The following CDCA8 variants were observed in gnomAD, a reference collection of about 807,000 sequenced individuals.
The protein encoded by CDCA8 is borealin.
In CDCA8, 25 loss-of-function variants were observed where a neutral mutation model predicts 40.0. That is an observed-to-expected ratio of 0.63 (90% CI 0.46 to 0.87). The LOEUF is 0.87. Ranked by LOEUF, CDCA8 falls within the 40% of genes least tolerant of loss-of-function variation. The pLI is 0.00. For synonymous variants in CDCA8, 111 were observed against 126.5 expected (o/e 0.88, Z 0.82); for missense variants, 280 against 348.4 (o/e 0.80, Z 1.56).
intron 2 of CDCA8, 125 bp downstream of exon 2, chr1:37,693,158 T>A: frequency 1.8e-6 from 1 of 557,456 alleles, no homozygotes; most frequent in Non-Finnish European, 2.9e-6. Context: ...TTATGGAAAA[T>A]TGCAGACCCT....
chr1:37,708,496 G>T lies in CDCA8; in HGVS notation c.*130G>T. ...AGCCATGTTCCTCTAAGGGAATTCA[G>T]GAATTCAGACGTGCTAGTCCCACAC... is the stretch of plus-strand genomic sequence containing the variant. On this transcript the variant is annotated 3_prime_UTR_variant, in exon 10 of 10. Transcript: ENST00000373055. The T allele has an allele frequency of 1.1e-6, 1 of 886,838 alleles. No homozygotes were observed. 54.9% of individuals were successfully genotyped at this position (886,838 alleles called of 1,614,324 possible). A position where few individuals can be genotyped will look rare whatever the true frequency, so the allele number is the denominator to read the frequency against.
At chr1:37,698,007 G>C (rs1303511382) in intron 3 of CDCA8, among the ~76,000 whole-genome samples, 3 of 151,990 alleles carry the variant, frequency 2.0e-5, no homozygotes, top group Non-Finnish European at 4.4e-5. Context: ...GCTCTTTGTA[G>C]TGCCCATACT....
chr1:37,705,332 T>G (rs1645590977), intron 7 of CDCA8, 109 bp from the exon 8 acceptor site: 1 of 927,198 alleles, frequency 1.1e-6, no homozygotes, highest in Admixed American at 2.3e-5. Context: ...TTCTTAGGAA[T>G]GTATGACTTA....
At chr1:37,695,368 TAA>T (rs71690196) in intron 2 of CDCA8, among the ~76,000 whole-genome samples, 2 of 76,462 alleles carry the variant, frequency 2.6e-5, no homozygotes, top group East Asian at 5.2e-4. Flanking sequence ...CATCTCTACT[TAA>T]AAAAAAAAAA....
At position 37,708,438 on chromosome 1, in the gene CDCA8, C is replaced by T. The variant is rs894585453; in HGVS notation, c.*72C>T. 8.5e-6 allele frequency: 12 copies of T among 1,413,068 alleles called. No homozygotes were observed. The highest frequency in any genetic ancestry group is 2.8e-5 in the African/African-American group (2 of 70,720). The allele number at this position is 1,413,068 out of a possible 1,614,324, so 87.5% of individuals were successfully genotyped here. On this transcript the variant is annotated 3_prime_UTR_variant, in exon 10 of 10. Transcript: ENST00000373055. ...CCTGAAGAGACTTCTTCCCTTCAGG[C>T]TTATTGTTTGAGTGTGAAGTTCCAG...
chr1:37,698,120 C>A (rs927012390), intron 3 of CDCA8, among the ~76,000 whole-genome samples: 1 of 152,072 alleles, frequency 6.6e-6, no homozygotes, highest in Non-Finnish European at 1.5e-5. Context: ...GTAGATTTAT[C>A]GAAAAAATGG....
chr1:37,692,984 C>A lies in CDCA8; in HGVS notation c.174C>A (p.Ile58=). Residue 58 remains isoleucine (I), a synonymous_variant, in exon 2 of 10, where the codon ATC becomes ATA. Coordinates refer to ENST00000373055, the MANE Select transcript of CDCA8 (RefSeq NM_001256875.2). ...KEVDNLYNIE[I]LRLPKALREM... Reference sequence around the variant, plus strand: ...TGGATAACCTCTACAACATCGAGATCCTGCGGCTCCCCAAGGCTCTGCGCG... The same window carrying A: ...TGGATAACCTCTACAACATCGAGATACTGCGGCTCCCCAAGGCTCTGCGCG... 1 of 1,614,088 alleles carries A rather than the reference C, an allele frequency of 6.2e-7. No individual in the cohort carries two copies. Among genetic ancestry groups the A allele is most frequent in the Non-Finnish European group, 8.5e-7 (1 of 1,179,998 alleles).
At position 37,696,037 on chromosome 1, in the gene CDCA8, G is replaced by A; in HGVS notation, c.264+87G>A. 1 of 1,182,768 alleles carries A rather than the reference G, an allele frequency of 8.5e-7. No individual in the cohort carries two copies. The highest frequency in any genetic ancestry group is 1.2e-6 in the Non-Finnish European group (1 of 800,886). The allele number at this position is 1,182,768 out of a possible 1,614,324, so 73.3% of individuals were successfully genotyped here. On this transcript the variant is annotated intron_variant, in intron 3 of 9. Transcript: ENST00000373055. This position sits in a 1 kb window ranked among gnomAD's most constrained non-coding sequence, Gnocchi z 5.0. ...CAACTAATAGATGCTTACTGTGGAA[G>A]AGGTTTCATAAAGGGACATCATCTG...
At chr1:37,703,925 T>C (rs557940541) in intron 7 of CDCA8, among the ~76,000 whole-genome samples, 1 of 152,244 alleles carries the variant, frequency 6.6e-6, no homozygotes, top group South Asian at 2.1e-4. Flanking sequence ...CTTTTCTGAT[T>C]CAAATCAGAA....
chr1:37,705,485 G>A lies in CDCA8; in HGVS notation c.629G>A (p.Arg210Gln), dbSNP rs752774201. 1.1e-5 allele frequency: 18 copies of A among 1,613,878 alleles called. No homozygotes were observed. The highest frequency in any genetic ancestry group is 8.3e-5 in the Admixed American group (5 of 60,002). ...CTGCGTACTCCAGCAGCAGGAGAGCGGATTTACAACATCTCAGGGAATGGC... is the reference window on the plus strand; with the variant it reads ...CTGCGTACTCCAGCAGCAGGAGAGCAGATTTACAACATCTCAGGGAATGGC... ...PGLRTPAAGE[R>Q]IYNISGNGSP... The change falls in exon 8 of 10, where the codon CGG (arginine) becomes CAG (glutamine). Residue 210 changes from arginine to glutamine, a missense_variant. Transcript: ENST00000373055.
chr1:37,707,367 A>G (rs1645608837), intron 9 of CDCA8, among the ~76,000 whole-genome samples: 1 of 152,208 alleles, frequency 6.6e-6, no homozygotes, highest in Admixed American at 6.5e-5. Flanking sequence ...GCCACCAGAA[A>G]GTGAAACCTA....
intron 3 of CDCA8, 75 bp from the exon 4 acceptor site, chr1:37,698,830 A>G (rs779149569): frequency 1.0e-6 from 1 of 992,694 alleles, no homozygotes; most frequent in Non-Finnish European, 1.6e-6. Context: ...GTTTTAAAAA[A>G]GTTTTTATCT....
In CDCA8 at chr1:37,708,750, G is replaced by A. The variant is rs1645620127; in HGVS notation, c.*384G>A. ...TCTCAGGAAGACTGCCTCCACCACC[G>A]CTACCCAGAGAACCTCTGCATCTGG... On this transcript the variant is annotated 3_prime_UTR_variant, in exon 10 of 10. Transcript: ENST00000373055. The A allele has an allele frequency of 1.0e-5, 3 of 292,896 alleles. No homozygotes were observed. The highest frequency in any genetic ancestry group is 3.9e-5 in the South Asian group (1 of 25,814). 18.1% of individuals were successfully genotyped at this position (292,896 alleles called of 1,614,324 possible).
Position 37,696,571 on chromosome 1 carries a change from A to G in CDCA8, c.264+621A>G, listed in dbSNP as rs1015639961. Among the ~76,000 whole-genome samples, 26 of 152,270 alleles carry G rather than the reference A, an allele frequency of 1.7e-4. No homozygotes were observed. The highest frequency in any genetic ancestry group is 4.4e-5 in the Non-Finnish European group (3 of 68,044). On this transcript the variant is annotated intron_variant, in intron 3 of 9. Transcript: ENST00000373055. The surrounding 1 kb of genome is among the most constrained non-coding windows in gnomAD (Gnocchi z 5.0). ...TAGTAGCTACTCCATCAGAGAGCAC[A>G]GAAATAGAACATTGCTACTCTTGCA...
At chr1:37,698,129 G>C (rs749930979) in intron 3 of CDCA8, among the ~76,000 whole-genome samples, 11 of 152,172 alleles carry the variant, frequency 7.2e-5, no homozygotes, top group African/African-American at 1.2e-4. Context: ...TCGAAAAAAT[G>C]GTAAGCTTGA....
In CDCA8 at chr1:37,692,753, C is replaced by T. The variant is rs1213474483; in HGVS notation, c.63C>T (p.Leu21=). Residue 21 remains leucine, a synonymous_variant, in exon 1 of 10, where the codon CTC becomes CTT. Coordinates refer to ENST00000373055, the MANE Select transcript of CDCA8 (RefSeq NM_001256875.2). ...AKTNSLRRRK[L]ASFLKDFDRE... is the part of the protein sequence containing the mutation. Reference sequence around the variant, plus strand: ...CCAACTCCTTACGGAGGCGGAAGCTCGCCTCCTTTCTGAAAGACTTCGACC... The same window carrying T: ...CCAACTCCTTACGGAGGCGGAAGCTTGCCTCCTTTCTGAAAGACTTCGACC... The T allele has an allele frequency of 2.5e-6, 4 of 1,613,536 alleles. No individual in the cohort carries two copies. Among genetic ancestry groups the T allele is most frequent in the African/African-American group, 2.7e-5 (2 of 75,046 alleles).
chr1:37,692,841 G>A (rs1455522841), intron 1 of CDCA8, 57 bp downstream of exon 1: 1 of 1,612,584 alleles, frequency 6.2e-7, no homozygotes, highest in South Asian at 1.1e-5. Context: ...TGGCGGGTGG[G>A]GACACGAGCT....
chr1:37,694,596 C>T (rs886847325), intron 2 of CDCA8, among the ~76,000 whole-genome samples: 4 of 152,222 alleles, frequency 2.6e-5, no homozygotes, highest in Non-Finnish European at 5.9e-5. Flanking sequence ...GCATATTGTG[C>T]TTTCTATGCC....
intron 8 of CDCA8, 99 bp from the exon 9 acceptor site, chr1:37,706,879 C>A (rs1645605162): frequency 1.2e-6 from 1 of 853,900 alleles, no homozygotes; most frequent in African/African-American, 1.7e-5. Context: ...CTTCTCCATC[C>A]CAGCCATTCC....
Sources: allele counts gnomAD v4.1 joint callset (sites outside exome capture counted in the v4.1 genomes callset), GRCh38; gene constraint gnomAD v4.1.1; non-coding constraint Gnocchi (gnomAD v3.1); transcripts MANE v1.5; gene names NCBI Gene and HGNC (gene_info 2026-07-23, HGNC 2026-07-21).